Variants in AP1M2 observed in about 807,000 individuals in gnomAD.
The protein encoded by AP1M2 is adaptor related protein complex 1 subunit mu 2.
In AP1M2, 41 loss-of-function variants were observed where a neutral mutation model predicts 54.6. That is an observed-to-expected ratio of 0.75 (90% CI 0.59 to 0.97). The LOEUF (loss-of-function observed/expected upper bound fraction) is 0.97. AP1M2 is among the 50% of genes least tolerant of loss of function. The pLI is 0.00. For missense variants in AP1M2, 507 were observed against 561.2 expected (o/e 0.90, Z 0.98); for synonymous variants, 219 against 215.9 (o/e 1.01, Z -0.13).
In AP1M2 at chr19:10,584,170, G is replaced by A. The variant is rs575347293; in HGVS notation, c.43-100C>T. ...GTTCTGACCCTACTTCCTAGCTGAG[G>A]GGCTTGGGCAAGGCTCTGCCTCCTT... On this transcript the variant is annotated intron_variant, in intron 1 of 11. Coordinates refer to ENST00000250244, the MANE Select transcript of AP1M2 (RefSeq NM_005498.5). 2.5e-5 allele frequency: 36 copies of A among 1,432,506 alleles called. No homozygotes were observed. In the African/African-American group the frequency reaches 3.4e-4, roughly 14 times the overall value. 88.7% of individuals were successfully genotyped at this position (1,432,506 alleles called of 1,614,324 possible). A position where few individuals can be genotyped will look rare whatever the true frequency, so the allele number is the denominator to read the frequency against.
chr19:10,577,199 G>A lies in AP1M2; in HGVS notation c.1046C>T (p.Pro349Leu), dbSNP rs201123233. 16 of 1,604,984 alleles carry A rather than the reference G, an allele frequency of 1.0e-5. No homozygotes were observed. The highest frequency in any genetic ancestry group is 6.7e-5 in the South Asian group (6 of 90,152). ...NVVIWSIKSF[P>L]GGKEYLMRAH... ...CCCCCGCCAGTCCCTGGTACTTACC[G>A]GGAAAGACTTAATACTCCAAATCAC... The change falls in exon 9 of 12, where the codon CCG becomes CTG. Residue 349 changes from proline to leucine, a missense_variant and splice_region_variant. Transcript: ENST00000250244.
chr19:10,585,276 G>GAAAGAAGGAAAGAAAGA (rs1423063893), intron 1 of AP1M2, among the ~76,000 whole-genome samples: 6 of 77,354 alleles, frequency 7.8e-5, no homozygotes, highest in South Asian at 4.1e-4. Context: ...AAGAAAGAAA[G>GAAAGAAGGAAAGAAAGA]AAGAAAAAAA....
intron 3 of AP1M2, 65 bp from the exon 4 acceptor site, chr19:10,581,943 C>T: frequency 6.7e-7 from 1 of 1,489,626 alleles, no homozygotes. Flanking sequence ...GTAGCTCATG[C>T]CTGTAACCCC....
chr19:10,585,276 G>A (rs200140452), intron 1 of AP1M2, among the ~76,000 whole-genome samples: 2 of 77,450 alleles, frequency 2.6e-5, no homozygotes, highest in African/African-American at 4.0e-5. Flanking sequence ...AAGAAAGAAA[G>A]AAGAAAAAAA....
chr19:10,574,267 G>A (rs553650892), intron 11 of AP1M2, 150 bp downstream of exon 11: 88 of 595,344 alleles, frequency 1.5e-4, no homozygotes, highest in Non-Finnish European at 2.1e-4. Flanking sequence ...AGATCCACCC[G>A]CCTTGGCCTC....
At chr19:10,586,276 C>T (rs1599556161) in intron 1 of AP1M2, among the ~76,000 whole-genome samples, 2 of 141,732 alleles carry the variant, frequency 1.4e-5, no homozygotes, top group South Asian at 2.3e-4. Context: ...AGGCGAGACT[C>T]TGTCTTGAAA....
At chr19:10,581,140 CGT>C in intron 6 of AP1M2, 124 bp downstream of exon 6, 2 of 1,351,404 alleles carry the variant, frequency 1.5e-6, no homozygotes, top group South Asian at 3.0e-5. Context: ...CAATACTGGC[CGT>C]GATCAGCAGA....
chr19:10,576,971 T>C (rs192113179), intron 9 of AP1M2, among the ~76,000 whole-genome samples: 77 of 152,206 alleles, frequency 5.1e-4, no homozygotes, highest in African/African-American at 1.7e-3. Context: ...TCTTAATATT[T>C]TTATAGAGGC....
intron 6 of AP1M2, among the ~76,000 whole-genome samples, chr19:10,580,911 C>T (rs1387211268): frequency 6.6e-6 from 1 of 151,484 alleles, no homozygotes; most frequent in African/African-American, 2.4e-5. Context: ...GCTATGATCA[C>T]ACCACTGCAC....
chr19:10,576,765 G>A (rs555930469), intron 9 of AP1M2, among the ~76,000 whole-genome samples: 1 of 150,636 alleles, frequency 6.6e-6, no homozygotes, highest in East Asian at 2.0e-4. Context: ...AGTGTGCAGT[G>A]GCACAATCTC....
chr19:10,574,881 T>G, intron 10 of AP1M2, 23 bp downstream of exon 10: 1 of 1,590,980 alleles, frequency 6.3e-7, no homozygotes, highest in Non-Finnish European at 8.6e-7. Context: ...AAGGGGAGGA[T>G]CCTCCCTGCC....
intron 7 of AP1M2, 92 bp from the exon 8 acceptor site, chr19:10,579,055 C>G: frequency 2.0e-6 from 2 of 987,030 alleles, no homozygotes; most frequent in East Asian, 5.5e-5. Flanking sequence ...GACAGAGTCT[C>G]GCTTCTTCGC....
chr19:10,572,895 C>T lies in AP1M2; in HGVS notation c.*171G>A, dbSNP rs545072083. 1.6e-4 allele frequency: 93 copies of T among 597,006 alleles called. No homozygotes were observed. Among genetic ancestry groups the T allele is most frequent in the Non-Finnish European group, 2.1e-4 (71 of 336,780 alleles). The allele number at this position is 597,006 out of a possible 1,614,324, so 37.0% of individuals were successfully genotyped here. A position where few individuals can be genotyped will look rare whatever the true frequency, so the allele number is the denominator to read the frequency against. On this transcript the variant is annotated 3_prime_UTR_variant, in exon 12 of 12. Transcript: ENST00000250244. ...GAAGCAGAGAGAGTTTCTCTCCCAG[C>T]CTATGGAATAAGGAAGAGGTGAGGA...
intron 1 of AP1M2, among the ~76,000 whole-genome samples, chr19:10,586,300 C>G (rs1226334877): frequency 9.0e-6 from 1 of 111,200 alleles, no homozygotes; most frequent in East Asian, 2.6e-4. Context: ...AAAAAAAATA[C>G]AAAAATTAGC....
Position 10,585,303 on chromosome 19 carries a change from G to GAA in AP1M2, c.43-1235_43-1234dup, listed in dbSNP as rs1366995560. Among the ~76,000 whole-genome samples, 7 of 142,542 alleles carry GAA rather than the reference G, an allele frequency of 4.9e-5. No homozygotes were observed. The East Asian group carries it at 6.0e-4, about 12-fold the overall frequency. 93.5% of individuals were successfully genotyped at this position (142,542 alleles called of 152,430 possible). A position where few individuals can be genotyped will look rare whatever the true frequency, so the allele number is the denominator to read the frequency against. On this transcript the variant is annotated intron_variant, in intron 1 of 11. Coordinates refer to ENST00000250244, the MANE Select transcript of AP1M2 (RefSeq NM_005498.5). ...AGAAAAAAAGAAAGAAAGAAAGAAA[G>GAA]AAAGAAAGAAAGAAAGAAAGAAAGA... is the stretch of plus-strand genomic sequence containing the variant.
Position 10,577,369 on chromosome 19 carries a change from C to T in AP1M2, c.889-13G>A, listed in dbSNP as rs183889012. ...ACTGCCCCTTGGCCTGTCAGGGGAG[C>T]GAGCATGGGGCACGAAGAATTCGCT... On this transcript the variant is annotated splice_polypyrimidine_tract_variant and intron_variant, in intron 8 of 11. Transcript: ENST00000250244. 1.2e-5 allele frequency: 18 copies of T among 1,533,000 alleles called. No homozygotes were observed. In the East Asian group the frequency reaches 3.3e-4, roughly 28 times the overall value. The allele number at this position is 1,533,000 out of a possible 1,614,324, so 95.0% of individuals were successfully genotyped here.
At chr19:10,581,703 T>C (rs748608035) in intron 4 of AP1M2, 45 bp downstream of exon 4, 10 of 1,611,386 alleles carry the variant, frequency 6.2e-6, no homozygotes, top group Non-Finnish European at 8.5e-6. Context: ...TCCAGTTCCT[T>C]ACACCCACAG....
At chr19:10,585,306 A>AAG (rs1917612146) in intron 1 of AP1M2, among the ~76,000 whole-genome samples, 1 of 93,496 alleles carries the variant, frequency 1.1e-5, no homozygotes, top group Non-Finnish European at 2.9e-5. Flanking sequence ...AAAGAAAGAA[A>AAG]GAAAGAAAGA....
chr19:10,576,799 C>G (rs1204390234), intron 9 of AP1M2, among the ~76,000 whole-genome samples: 1 of 151,888 alleles, frequency 6.6e-6, no homozygotes, highest in South Asian at 2.1e-4. Context: ...CTCTGCCTCC[C>G]GGGTTCAAGC....
Sources: gnomAD v4.1 joint callset for allele counts (sites outside exome capture counted in the v4.1 genomes callset) on GRCh38, gnomAD v4.1.1 for gene constraint, MANE v1.5 for transcripts, NCBI Gene and HGNC (gene_info 2026-07-23, HGNC 2026-07-21) for gene names.